Variants in GEMIN2 observed in about 807,000 individuals in gnomAD.
The protein encoded by GEMIN2 is gem-associated protein 2.
In GEMIN2, 37 loss-of-function variants were observed where a neutral mutation model predicts 45.8. That is an observed-to-expected ratio of 0.81 (90% CI 0.62 to 1.06). The LOEUF is 1.06. Among genes scored for constraint, GEMIN2 ranks in the 50% least tolerant of loss-of-function variants. The probability of loss-of-function intolerance (pLI) is 0.00; values close to 1 mark genes in which losing one functional copy is unlikely to be tolerated. For synonymous variants in GEMIN2, 101 were observed against 111.5 expected, an observed-to-expected ratio of 0.91 and a Z score of 0.60; for missense variants, 335 against 321.8, an observed-to-expected ratio of 1.04 and a Z score of -0.31.
rs535875220 is a variant in GEMIN2 at position 39,117,178 on chromosome 14, A to G, written c.223-821A>G. On this transcript the variant is annotated intron_variant, in intron 2 of 9. Transcript: ENST00000308317. ...TCCCAGCTACTCGGGAGGCTGAGGC[A>G]GGAGAATTGCTTGAACCCGGGAGAC... Among the ~76,000 whole-genome samples, 3 of 151,384 alleles carry G rather than the reference A, an allele frequency of 2.0e-5. No individual in the cohort carries two copies. The South Asian group carries it at 6.3e-4, about 32-fold the overall frequency.
chr14:39,130,191 A>G (rs753348959), intron 7 of GEMIN2, among the ~76,000 whole-genome samples: 2 of 151,868 alleles, frequency 1.3e-5, no homozygotes, highest in South Asian at 2.1e-4. Flanking sequence ...TTTTTTTTAT[A>G]GAAAAAGAAT....
intron 8 of GEMIN2, among the ~76,000 whole-genome samples, chr14:39,132,681 TTTTTTC>T (rs2052732884): frequency 1.5e-5 from 1 of 65,738 alleles, no homozygotes; most frequent in Non-Finnish European, 3.1e-5. Context: ...TTTTTTTTTT[TTTTTTC>T]TTTTATTGTG....
Position 39,118,054 on chromosome 14 carries a change from A to G in GEMIN2, c.278A>G (p.Gln93Arg), listed in dbSNP as rs1372276510. ...EGYSPTLQWQ[Q>R]QQVAQFSTVR... ...TATTCCCCAACACTTCAATGGCAACAGCAACAAGTGGCACAGTTTTCAACT... is the reference window on the plus strand; with the variant it reads ...TATTCCCCAACACTTCAATGGCAACGGCAACAAGTGGCACAGTTTTCAACT... The change falls in exon 3 of 10, where the codon CAG (glutamine) becomes CGG (arginine). Residue 93 changes from glutamine to arginine, a missense_variant. Transcript: ENST00000308317. 9.3e-6 allele frequency: 15 copies of G among 1,607,334 alleles called. No homozygotes were observed. In the East Asian group the frequency reaches 3.1e-4, roughly 34 times the overall value.
Position 39,122,946 on chromosome 14 carries a change from A to G in GEMIN2, c.486+403A>G, listed in dbSNP as rs150928395. 4.5e-3 allele frequency among the ~76,000 whole-genome samples: 683 copies of G among 152,286 alleles called. 7 individuals are homozygous for G. The highest frequency in any genetic ancestry group is 0.016 in the African/African-American group (657 of 41,554). On this transcript the variant is annotated intron_variant, in intron 5 of 9. Coordinates refer to ENST00000308317, the MANE Select transcript of GEMIN2 (RefSeq NM_003616.3). ...AGATTCATAGTTTTTTTAAATGATG[A>G]GGCATCAGGCAAACAGTGTTATGAG...
At chr14:39,131,826 C>A in intron 7 of GEMIN2, 132 bp from the exon 8 acceptor site, 1 of 573,060 alleles carries the variant, frequency 1.7e-6, no homozygotes. Context: ...CTTGTCTATA[C>A]CCAAACATAA....
Position 39,114,438 on chromosome 14 carries a change from C to T in GEMIN2, c.100C>T (p.Pro34Ser). The T allele has an allele frequency of 6.2e-7, 1 of 1,613,600 alleles. No individual in the cohort carries two copies. The change falls in exon 1 of 10, where the codon CCC becomes TCC. Residue 34 changes from proline (P) to serine (S), a missense_variant. By Grantham distance (74) the Pro-to-Ser change is moderately conservative (BLOSUM62 -1). Transcript: ENST00000308317. ...GACGGAAGGTTTCGATCCCTCGGTA[C>T]CCCCGAGGACGCCTCAGGAATACCT... is the stretch of plus-strand genomic sequence containing the variant. ...DLTEGFDPSVPPRTPQEYLRR... is the reference protein window; with the variant it reads ...DLTEGFDPSVSPRTPQEYLRR...
intron 6 of GEMIN2, among the ~76,000 whole-genome samples, chr14:39,126,019 C>CA (rs71130818): frequency 0.14 from 13,817 of 99,640 alleles, 842 homozygotes; most frequent in Non-Finnish European, 0.19. Context: ...GACTCTGTCT[C>CA]AAAAAAAAAA....
chr14:39,124,872 T>A (rs2052620568), intron 5 of GEMIN2, 120 bp from the exon 6 acceptor site: 1 of 640,242 alleles, frequency 1.6e-6, no homozygotes, highest in East Asian at 2.5e-5. Flanking sequence ...AATGAAAGAA[T>A]TTTCTTTTAT....
chr14:39,122,817 A>G (rs1375752498), intron 5 of GEMIN2: 2 of 260,916 alleles, frequency 7.7e-6, no homozygotes, highest in African/African-American at 2.2e-5. Flanking sequence ...TAGCTCTTCA[A>G]CCTAACAAAA....
intron 7 of GEMIN2, among the ~76,000 whole-genome samples, chr14:39,130,578 A>G (rs1352801538): frequency 5.9e-5 from 9 of 152,120 alleles, no homozygotes. Context: ...GACACTTAAC[A>G]TTCCCTTGTT....
At chr14:39,129,540 A>C (rs945819084) in intron 7 of GEMIN2, among the ~76,000 whole-genome samples, 8 of 152,024 alleles carry the variant, frequency 5.3e-5, no homozygotes, top group Non-Finnish European at 1.0e-4. Flanking sequence ...CAGCCTCCCA[A>C]GTAGCTGGGA....
intron 2 of GEMIN2, among the ~76,000 whole-genome samples, chr14:39,115,117 T>C (rs998684288): frequency 1.3e-5 from 2 of 152,242 alleles, no homozygotes; most frequent in Admixed American, 6.5e-5. Context: ...CTAGCCTTTG[T>C]GGAGTGTTGC....
At position 39,136,436 on chromosome 14, in the gene GEMIN2, C is replaced by A; in HGVS notation, c.771-4C>A. ...ACATAAATTTTTTGTTTTTTTTTTA[C>A]TAGGTATTTTGACCAACGTGATTTA... On this transcript the variant is annotated splice_polypyrimidine_tract_variant and splice_region_variant and intron_variant, in intron 9 of 9. Transcript: ENST00000308317. 2 of 1,425,596 alleles carry A rather than the reference C, an allele frequency of 1.4e-6. No homozygotes were observed. The highest frequency in any genetic ancestry group is 2.0e-6 in the Non-Finnish European group (2 of 1,013,570). 88.3% of individuals were successfully genotyped at this position (1,425,596 alleles called of 1,614,324 possible).
At chr14:39,123,708 A>ATTTTTTTTTTT (rs1162485883) in intron 5 of GEMIN2, among the ~76,000 whole-genome samples, 1 of 37,696 alleles carries the variant, frequency 2.7e-5, no homozygotes, top group African/African-American at 1.3e-4. Flanking sequence ...ATATATATAT[A>ATTTTTTTTTTT]TTTTTTTTTT....
intron 2 of GEMIN2, among the ~76,000 whole-genome samples, chr14:39,115,542 TG>T (rs1486166463): frequency 1.3e-5 from 2 of 150,154 alleles, no homozygotes; most frequent in African/African-American, 4.9e-5. Context: ...CTGCAACCTC[TG>T]CCTTCCGGTT....
intron 6 of GEMIN2, among the ~76,000 whole-genome samples, chr14:39,126,753 TTTTTGTTTTG>T (rs150771433): frequency 0.22 from 32,722 of 151,804 alleles, 3,949 homozygotes; most frequent in Middle Eastern, 0.35. Flanking sequence ...ACTGATGGTT[TTTTTGTTTTG>T]TTTTGTTTTG....
At chr14:39,117,339 T>C (rs1462703227) in intron 2 of GEMIN2, among the ~76,000 whole-genome samples, 2 of 151,898 alleles carry the variant, frequency 1.3e-5, no homozygotes, top group South Asian at 2.1e-4. Flanking sequence ...ATTTTGCCCA[T>C]ACCAAAGTTC....
chr14:39,118,643 T>C (rs1341922282), intron 4 of GEMIN2, 44 bp downstream of exon 4: 7 of 834,746 alleles, frequency 8.4e-6, no homozygotes, highest in Non-Finnish European at 1.4e-5. Context: ...GTATACCTGA[T>C]TGAAAGAGTC....
chr14:39,129,502 C>T (rs1007104357), intron 7 of GEMIN2, among the ~76,000 whole-genome samples: 5 of 152,228 alleles, frequency 3.3e-5, no homozygotes, highest in Admixed American at 6.5e-5. Flanking sequence ...CAGCCTCCAC[C>T]TCCTGGTTTC....
Sources: allele counts gnomAD v4.1 joint callset (sites outside exome capture counted in the v4.1 genomes callset), GRCh38; gene constraint gnomAD v4.1.1; transcripts MANE v1.5; gene names NCBI Gene and HGNC (gene_info 2026-07-23, HGNC 2026-07-21).